The following MAPK8IP3 variants were observed in gnomAD, a reference collection of about 807,000 sequenced individuals.
MAPK8IP3 encodes mitogen-activated protein kinase 8 interacting protein 3, also known as C-Jun-amino-terminal kinase-interacting protein 3.
A neutral mutation model predicts 157.8 loss-of-function variants in MAPK8IP3; 49 were observed. The observed-to-expected ratio is 0.31, with a 90% confidence interval of 0.25 to 0.39. The LOEUF (loss-of-function observed/expected upper bound fraction) is 0.39. Ranked by LOEUF, MAPK8IP3 falls within the 10% of genes least tolerant of loss-of-function variation. The pLI, the probability that MAPK8IP3 is intolerant of heterozygous loss-of-function variation, is 1.00. For synonymous variants in MAPK8IP3, 897 were observed against 777.7 expected (o/e 1.15, Z -2.55); for missense variants, 1,478 against 1,889.4 (o/e 0.78, Z 4.04).
chr16:1,726,449 A>G (rs955242251), intron 2 of MAPK8IP3, among the ~76,000 whole-genome samples: 7 of 152,080 alleles, frequency 4.6e-5, no homozygotes, highest in African/African-American at 1.7e-4. Context: ...CTGAGGGGGA[A>G]GGATCCCTTG....
chr16:1,760,252 C>CT, intron 11 of MAPK8IP3, 128 bp from the exon 12 acceptor site: 1 of 1,252,142 alleles, frequency 8.0e-7, no homozygotes, highest in Non-Finnish European at 1.1e-6. Context: ...GATGGGGTCT[C>CT]CCATTCAGCC....
At chr16:1,759,853 G>A (rs1301170004) in intron 10 of MAPK8IP3, 105 bp from the exon 11 acceptor site, 2 of 1,025,300 alleles carry the variant, frequency 2.0e-6, no homozygotes, top group Non-Finnish European at 3.0e-6. Context: ...GTCATCCCCA[G>A]CCAGGCTACC....
rs933245224 is a variant in MAPK8IP3, at chr16:1,768,244, G to T, written c.3608G>T (p.Gly1203Val). 8 of 1,612,268 alleles carry T rather than the reference G, an allele frequency of 5.0e-6. No homozygotes were observed. In the Admixed American group the frequency reaches 6.7e-5, roughly 13 times the overall value. Residue 1203 changes from glycine to valine, a missense_variant, in exon 30 of 32, where the codon GGC becomes GTC. Around this residue, in one of 11 missense-constraint regions of MAPK8IP3, gnomAD observed 83 missense variants for 85.3 expected, o/e 0.97. Coordinates refer to ENST00000610761, the MANE Select transcript of MAPK8IP3 (RefSeq NM_001318852.2). ...TCTGGGGAGGGCGCCCGTCCCGGGG[G>T]CATCATCCACGTGTATGGCGATGAC... ...PTSGEGARPG[G>V]IIHVYGDDSS...
chr16:1,739,145 T>TGA (rs1425050987), intron 4 of MAPK8IP3, among the ~76,000 whole-genome samples: 1 of 124,896 alleles, frequency 8.0e-6, no homozygotes, highest in Admixed American at 8.7e-5. Context: ...ACCGTCCGTG[T>TGA]GTGTGACCAT....
At chr16:1,718,105 G>A (rs1423883939) in intron 1 of MAPK8IP3, among the ~76,000 whole-genome samples, 2 of 151,874 alleles carry the variant, frequency 1.3e-5, no homozygotes, top group Non-Finnish European at 2.9e-5. Flanking sequence ...CGCCCGCCTC[G>A]GACTCCCAAA....
At chr16:1,721,109 G>C (rs140122718) in intron 1 of MAPK8IP3, among the ~76,000 whole-genome samples, 59 of 150,106 alleles carry the variant, frequency 3.9e-4, no homozygotes, top group Admixed American at 7.3e-4. Context: ...AGGCCGAGGC[G>C]GGTGGATCAC....
chr16:1,739,284 C>G (rs1455182829), intron 4 of MAPK8IP3, among the ~76,000 whole-genome samples: 11 of 112,134 alleles, frequency 9.8e-5, no homozygotes, highest in African/African-American at 3.2e-4. Context: ...GTGTGAGCAT[C>G]CATGTGAGCC....
chr16:1,769,528 C>T lies in MAPK8IP3; in HGVS notation c.*704C>T, dbSNP rs556598913. Reference sequence around the variant, plus strand: ...CCCATGCAGGCAGGCTCTTGCCAGCCCCGTTCTGACCCGTGTCCCCCCAGG... The same window carrying T: ...CCCATGCAGGCAGGCTCTTGCCAGCTCCGTTCTGACCCGTGTCCCCCCAGG... On this transcript the variant is annotated 3_prime_UTR_variant, in exon 32 of 32. Coordinates refer to ENST00000610761, the MANE Select transcript of MAPK8IP3 (RefSeq NM_001318852.2). 1 of 152,746 alleles carries T rather than the reference C, an allele frequency of 6.5e-6. No homozygotes were observed. Among genetic ancestry groups the T allele is most frequent in the East Asian group, 1.9e-4 (1 of 5,166 alleles). The allele number at this position is 152,746 out of a possible 1,614,324, so 9.5% of individuals were successfully genotyped here.
chr16:1,755,420 G>A (rs771288350), intron 8 of MAPK8IP3, among the ~76,000 whole-genome samples: 18 of 152,182 alleles, frequency 1.2e-4, no homozygotes, highest in Middle Eastern at 3.2e-3. Context: ...CTACTTGGGC[G>A]TCTGAAGTGG....
At position 1,765,007 on chromosome 16, in the gene MAPK8IP3, A is replaced by G. The variant is rs1181700665; in HGVS notation, c.2281-6A>G. On this transcript the variant is annotated splice_polypyrimidine_tract_variant and splice_region_variant and intron_variant, in intron 19 of 31. Transcript: ENST00000610761. Reference sequence around the variant, plus strand: ...GCTCTGACCTTGATCCCGTGCCCTGAAACAGGCCAAGGAGCTCCCTGAAAT... The same window carrying G: ...GCTCTGACCTTGATCCCGTGCCCTGGAACAGGCCAAGGAGCTCCCTGAAAT... 6.3e-7 allele frequency: 1 copy of G among 1,597,784 alleles called. No homozygotes were observed. Among genetic ancestry groups the G allele is most frequent in the South Asian group, 1.1e-5 (1 of 90,692 alleles).
In MAPK8IP3 at chr16:1,743,634, T is replaced by C; in HGVS notation, c.747+158T>C. 1 of 1,445,994 alleles carries C rather than the reference T, an allele frequency of 6.9e-7. No individual in the cohort carries two copies. The highest frequency in any genetic ancestry group is 1.4e-5 in the South Asian group (1 of 70,652). The allele number at this position is 1,445,994 out of a possible 1,614,324, so 89.6% of individuals were successfully genotyped here. ...GCAGGATGGAGAAACCCAGCCAGGG[T>C]GTCAGGGGCTCAGGCTGCCCAGCAG... On this transcript the variant is annotated intron_variant, in intron 5 of 31. Coordinates refer to ENST00000610761, the MANE Select transcript of MAPK8IP3 (RefSeq NM_001318852.2). This position sits in a 1 kb window ranked among gnomAD's most constrained non-coding sequence, Gnocchi z 5.6.
chr16:1,766,057 C>T lies in MAPK8IP3; in HGVS notation c.2544C>T (p.Thr848=), dbSNP rs377365254. The T allele has an allele frequency of 4.4e-4, 716 of 1,612,710 alleles. 4 individuals carry two copies. Among genetic ancestry groups the T allele is most frequent in the Admixed American group, 2.0e-4 (12 of 59,980 alleles). ...PGADGVLAGI[T]LVGCATRCNV... is the part of the protein sequence containing the mutation. The stretch of plus-strand genomic sequence containing the variant: ...CAGATGGCGTGCTGGCCGGTATCAC[C>T]CTGGTGGGCTGTGCCACCCGCTGCA... Residue 848 remains threonine, a synonymous_variant, in exon 21 of 32, where the codon ACC becomes ACT. Coordinates refer to ENST00000610761, the MANE Select transcript of MAPK8IP3 (RefSeq NM_001318852.2).
chr16:1,725,471 A>G (rs1465522917), intron 2 of MAPK8IP3, among the ~76,000 whole-genome samples: 4 of 151,630 alleles, frequency 2.6e-5, no homozygotes, highest in South Asian at 4.2e-4. Flanking sequence ...CTATAAAAAT[A>G]TAAAAATTAC....
chr16:1,736,381 CGT>C (rs1289491262), intron 4 of MAPK8IP3, among the ~76,000 whole-genome samples: 8 of 56,038 alleles, frequency 1.4e-4, no homozygotes, highest in Non-Finnish European at 9.6e-5. Flanking sequence ...TGTGAGCATC[CGT>C]GTGAGCGTGA....
At chr16:1,763,992 C>G in intron 17 of MAPK8IP3, 123 bp from the exon 18 acceptor site, 1 of 1,112,334 alleles carries the variant, frequency 9.0e-7, no homozygotes, top group Non-Finnish European at 1.2e-6. Flanking sequence ...CCCACGCCCC[C>G]ACCTGCCTCC....
At chr16:1,759,086 G>T in intron 10 of MAPK8IP3, 91 bp downstream of exon 10, 5 of 1,563,106 alleles carry the variant, frequency 3.2e-6, no homozygotes, top group Non-Finnish European at 4.4e-6. Flanking sequence ...TCTGCATGAT[G>T]GGGACAGTGT....
chr16:1,766,487 C>T (rs1333672458), intron 22 of MAPK8IP3, 42 bp from the exon 23 acceptor site: 7 of 1,605,128 alleles, frequency 4.4e-6, no homozygotes, highest in African/African-American at 2.7e-5. Context: ...GGGGCAGGTG[C>T]GTGCTCCGTG....
intron 8 of MAPK8IP3, among the ~76,000 whole-genome samples, chr16:1,753,692 C>A (rs1031192786): frequency 6.6e-6 from 1 of 151,056 alleles, no homozygotes; most frequent in Non-Finnish European, 1.5e-5. Flanking sequence ...CCGCCCACCT[C>A]GGCCTCCCAA....
chr16:1,711,990 C>T (rs1219339419), intron 1 of MAPK8IP3, among the ~76,000 whole-genome samples: 2 of 149,716 alleles, frequency 1.3e-5, no homozygotes, highest in African/African-American at 4.9e-5. Flanking sequence ...CCCGAGCTCC[C>T]CTTGTCACCC....
Sources: gnomAD v4.1 joint callset for allele counts (sites outside exome capture counted in the v4.1 genomes callset) on GRCh38, gnomAD v4.1.1 for gene constraint, gnomAD v4.1.1 regional missense constraint, Gnocchi (gnomAD v3.1) non-coding constraint, MANE v1.5 for transcripts, NCBI Gene and HGNC (gene_info 2026-07-23, HGNC 2026-07-21) for gene names.